CKAP5: variants seen among roughly 807,000 people sequenced by gnomAD.
The protein encoded by CKAP5 is cytoskeleton-associated protein 5.
Under a neutral mutation model 232.8 loss-of-function variants are expected in CKAP5, and 27 were observed. The ratio of observed to expected loss-of-function variants is 0.12; its 90% CI spans 0.09 to 0.16. CKAP5 has a LOEUF of 0.16. Ranked by LOEUF, CKAP5 falls within the 10% of genes least tolerant of loss-of-function variation. CKAP5 has a pLI of 1.00. For synonymous variants in CKAP5, 785 were observed against 841.1 expected (o/e 0.93, Z 1.16); for missense variants, 1,838 against 2,424.7 (o/e 0.76, Z 5.08).
chr11:46,838,869 AAAAT>A (rs1474896963), intron 1 of CKAP5, among the ~76,000 whole-genome samples: 4 of 151,402 alleles, frequency 2.6e-5, no homozygotes, highest in African/African-American at 7.3e-5. Flanking sequence ...AAAATAAAAA[AAAAT>A]AAATAAAGAC....
Position 46,778,181 on chromosome 11 carries a change from TG to T in CKAP5, c.2705del (p.Pro902GlnfsTer4). ...CATTGAGTCGACCCTTCAAGGCAGT[TG>T]GAAGTTCACCTATATTCGGTTGGAT... ...KFIQPNIGEL[P>X]TALKGRLNDS... On this transcript the variant is annotated frameshift_variant, in exon 22 of 44. Transcript: ENST00000529230. LOFTEE classifies it high-confidence loss of function. The T allele has an allele frequency of 6.2e-7, 1 of 1,614,078 alleles. No individual in the cohort carries two copies.
At chr11:46,746,113 CACAAAGGG>C (rs1175811812) in intron 42 of CKAP5, among the ~76,000 whole-genome samples, 1 of 152,142 alleles carries the variant, frequency 6.6e-6, no homozygotes, top group East Asian at 1.9e-4. Flanking sequence ...GTCTGAAAAA[CACAAAGGG>C]ACATGCTTTG....
intron 15 of CKAP5, among the ~76,000 whole-genome samples, chr11:46,789,758 T>C (rs959557357): frequency 6.6e-5 from 10 of 152,226 alleles, no homozygotes; most frequent in African/African-American, 2.4e-4. Flanking sequence ...ATCGCCCCAC[T>C]GTACTCCAGC....
Position 46,808,132 on chromosome 11 carries a change from AT to A in CKAP5, c.876del (p.Lys292AsnfsTer12). On this transcript the variant is annotated frameshift_variant, in exon 8 of 44. Transcript: ENST00000529230. LOFTEE classifies it high-confidence loss of function. The part of the protein sequence containing the change: ...KDFYDKIEAK[K>X]WQERKEALES... ...TCCAGGGCCTCTTTTCTCTCTTGCC[AT>A]TTTTTTGCCTCCTGCAAGATACAAT... is the stretch of plus-strand genomic sequence containing the variant. 1.9e-6 allele frequency: 3 copies of A among 1,612,064 alleles called. No homozygotes were observed. Among genetic ancestry groups the A allele is most frequent in the Non-Finnish European group, 1.7e-6 (2 of 1,179,108 alleles).
rs144805720 is a variant in CKAP5 at position 46,765,197 on chromosome 11, G to A, written c.3471C>T (p.Ser1157=). 382 of 1,612,328 alleles carry A rather than the reference G, an allele frequency of 2.4e-4. No homozygotes were observed. In the African/African-American group the frequency reaches 2.5e-3, roughly 11 times the overall value. ...TTGGAACAACAATAAAAATAGGCCCGGATTTGTCTTCATCCTCCTTTAAGC... is the reference window on the plus strand; with the variant it reads ...TTGGAACAACAATAAAAATAGGCCCAGATTTGTCTTCATCCTCCTTTAAGC... ...KTSLKEDEDK[S]GPIFIVVPNG... The change falls in exon 28 of 44, where the codon TCC becomes TCT. Residue 1157 remains serine, a synonymous_variant. Coordinates refer to ENST00000529230, the MANE Select transcript of CKAP5 (RefSeq NM_001008938.4).
intron 2 of CKAP5, among the ~76,000 whole-genome samples, chr11:46,818,878 G>A (rs1484911997): frequency 6.6e-6 from 1 of 151,812 alleles, no homozygotes; most frequent in African/African-American, 2.4e-5. Flanking sequence ...GCTGTTTTTT[G>A]GTTCTATTTT....
rs750649148 is a variant in CKAP5 at position 46,778,317 on chromosome 11, A to G, written c.2574-4T>C. On this transcript the variant is annotated splice_region_variant and splice_polypyrimidine_tract_variant and intron_variant, in intron 21 of 43. Coordinates refer to ENST00000529230, the MANE Select transcript of CKAP5 (RefSeq NM_001008938.4). ...CAACTCTGAAGTGATTTTATCACTG[A>G]AAAACAGAAAATAACCTTTAATTCC... 2 of 1,610,392 alleles carry G rather than the reference A, an allele frequency of 1.2e-6. No individual in the cohort carries two copies. Among genetic ancestry groups the G allele is most frequent in the Non-Finnish European group, 1.7e-6 (2 of 1,178,182 alleles).
chr11:46,799,219 T>C (rs2134653334), intron 9 of CKAP5, among the ~76,000 whole-genome samples: 1 of 152,302 alleles, frequency 6.6e-6, no homozygotes, highest in South Asian at 2.1e-4. Flanking sequence ...TAATTTTTTA[T>C]TTTATTTTTT....
At chr11:46,780,689 A>C (rs1439911480) in intron 18 of CKAP5, among the ~76,000 whole-genome samples, 1 of 152,152 alleles carries the variant, frequency 6.6e-6, no homozygotes, top group African/African-American at 2.4e-5. Flanking sequence ...ATGATAGCTC[A>C]CTGCAACCTC....
At chr11:46,839,982 T>A (rs899789198) in intron 1 of CKAP5, among the ~76,000 whole-genome samples, 1 of 151,810 alleles carries the variant, frequency 6.6e-6, no homozygotes, top group African/African-American at 2.4e-5. Flanking sequence ...CTACAAAAAA[T>A]ACAAAAATTA....
chr11:46,811,417 CT>C (rs1167157820), intron 4 of CKAP5, among the ~76,000 whole-genome samples: 1 of 152,118 alleles, frequency 6.6e-6, no homozygotes, highest in African/African-American at 2.4e-5. Flanking sequence ...TTTAAACAAA[CT>C]TTCTAGGTAA....
rs151080614 is a variant in CKAP5, at chr11:46,838,177, T to C, written c.-38+8043A>G. On this transcript the variant is annotated intron_variant, in intron 1 of 43. Coordinates refer to ENST00000529230, the MANE Select transcript of CKAP5 (RefSeq NM_001008938.4). ...GAGAAAAACATCAGACAAATTCCAA[T>C]AGAAGGACATCTTACAATGTATTTG... Among the ~76,000 whole-genome samples, 959 of 152,218 alleles carry C rather than the reference T, an allele frequency of 6.3e-3. 11 individuals carry two copies. The highest frequency in any genetic ancestry group is 0.022 in the African/African-American group (914 of 41,534).
At chr11:46,790,642 T>G in intron 13 of CKAP5, 59 bp from the exon 14 acceptor site, 2 of 1,165,548 alleles carry the variant, frequency 1.7e-6, no homozygotes. Flanking sequence ...TAGTGGAGTT[T>G]TTTATTTTTA....
chr11:46,806,337 G>T (rs1389910440), intron 8 of CKAP5, among the ~76,000 whole-genome samples: 2 of 152,064 alleles, frequency 1.3e-5, no homozygotes, highest in Non-Finnish European at 2.9e-5. Context: ...TAATGATAAG[G>T]AAAAAGAAAA....
chr11:46,832,525 C>T (rs1412262242), intron 1 of CKAP5, among the ~76,000 whole-genome samples: 1 of 152,174 alleles, frequency 6.6e-6, no homozygotes, highest in Non-Finnish European at 1.5e-5. Context: ...CTGCCACAAA[C>T]CAGCTGATCC....
chr11:46,840,673 T>G (rs917214926), intron 1 of CKAP5, among the ~76,000 whole-genome samples: 5 of 152,180 alleles, frequency 3.3e-5, no homozygotes, highest in Admixed American at 1.3e-4. Flanking sequence ...AGAGAGGGCA[T>G]GGAAGCTCCA....
At chr11:46,835,143 T>C (rs1209153660) in intron 1 of CKAP5, among the ~76,000 whole-genome samples, 4 of 152,080 alleles carry the variant, frequency 2.6e-5, no homozygotes. Flanking sequence ...AGGCTGAAAT[T>C]GTGCATAGAA....
At chr11:46,839,859 C>T (rs911968986) in intron 1 of CKAP5, among the ~76,000 whole-genome samples, 3 of 152,086 alleles carry the variant, frequency 2.0e-5, no homozygotes, top group Non-Finnish European at 4.4e-5. Context: ...TAAAATGTAG[C>T]GGGACATGTT....
intron 6 of CKAP5, 80 bp from the exon 7 acceptor site, chr11:46,809,580 T>C (rs1939231118): frequency 7.4e-7 from 1 of 1,347,370 alleles, no homozygotes; most frequent in Admixed American, 1.9e-5. Context: ...TTCACAACCC[T>C]GATGAAATTT....
Sources: gnomAD v4.1 joint callset for allele counts (sites outside exome capture counted in the v4.1 genomes callset) on GRCh38, gnomAD v4.1.1 for gene constraint, MANE v1.5 for transcripts, NCBI Gene and HGNC (gene_info 2026-07-23, HGNC 2026-07-21) for gene names.